The following PCDHA4 variants were observed in gnomAD, a reference collection of about 807,000 sequenced individuals.
PCDHA4 encodes protocadherin alpha 4, also known as protocadherin alpha-4.
PCDHA4 carries 49 observed loss-of-function variants against 61.4 expected under a neutral mutation model. That is an observed-to-expected ratio of 0.80 (90% confidence interval 0.63 to 1.01). The LOEUF (loss-of-function observed/expected upper bound fraction) is 1.01. Ranked by LOEUF, PCDHA4 falls within the 50% of genes least tolerant of loss-of-function variation. The pLI is 0.00. For synonymous variants in PCDHA4, 590 were observed against 550.3 expected (o/e 1.07, Z -1.01); for missense variants, 1,254 against 1,235.8 (o/e 1.01, Z -0.22).
intron 3 of PCDHA4, among the ~76,000 whole-genome samples, chr5:140,987,487 C>A (rs868928905): frequency 6.6e-6 from 1 of 152,154 alleles, no homozygotes; most frequent in Non-Finnish European, 1.5e-5. Flanking sequence ...GTCAGTGACC[C>A]TTTCTGAATT....
chr5:140,908,431 G>A (rs949756474), intron 1 of PCDHA4, among the ~76,000 whole-genome samples: 4 of 152,152 alleles, frequency 2.6e-5, no homozygotes, highest in Non-Finnish European at 5.9e-5. Context: ...GCTGCTGTGC[G>A]CACCCCACTT....
rs782457236 is a variant in PCDHA4 at position 140,883,560 on chromosome 5, G to A, written c.2385+73988G>A. 2 of 1,614,184 alleles carry A rather than the reference G, an allele frequency of 1.2e-6. No homozygotes were observed. Among genetic ancestry groups the A allele is most frequent in the Admixed American group, 1.7e-5 (1 of 60,028 alleles). ...CTGGTGGTGACCGCGCGGGACGGGGGCTCGCCTTCGCTGTGGGCCACGGCC... is the reference window on the plus strand; with the variant it reads ...CTGGTGGTGACCGCGCGGGACGGGGACTCGCCTTCGCTGTGGGCCACGGCC... On this transcript the variant is annotated intron_variant, in intron 1 of 3. Coordinates refer to ENST00000530339, the MANE Select transcript of PCDHA4 (RefSeq NM_018907.4).
intron 1 of PCDHA4, chr5:140,830,128 A>C: frequency 6.2e-7 from 1 of 1,613,412 alleles, no homozygotes; most frequent in Non-Finnish European, 8.5e-7. Context: ...CAAAGGCGTC[A>C]TCACGGGCGT....
At chr5:140,942,992 C>T (rs782446748) in intron 1 of PCDHA4, among the ~76,000 whole-genome samples, 3 of 152,006 alleles carry the variant, frequency 2.0e-5, no homozygotes, top group South Asian at 2.1e-4. Flanking sequence ...TGTGGTGGCT[C>T]ATGCCTGTAA....
At chr5:140,850,249 T>TGGGC in intron 1 of PCDHA4, 1 of 1,593,502 alleles carries the variant, frequency 6.3e-7, no homozygotes, top group Non-Finnish European at 8.6e-7. Context: ...CTGCGGTCGG[T>TGGGC]GGGCGCCGGC....
intron 1 of PCDHA4, chr5:140,836,037 C>T: frequency 6.2e-7 from 1 of 1,613,440 alleles, no homozygotes; most frequent in Non-Finnish European, 8.5e-7. Flanking sequence ...CGTGACGCTG[C>T]AGGTGTTCGT....
At chr5:140,839,365 G>C (rs2150296771) in intron 1 of PCDHA4, among the ~76,000 whole-genome samples, 4 of 116,060 alleles carry the variant, frequency 3.4e-5, no homozygotes, top group East Asian at 2.4e-4. Flanking sequence ...CACCTAAGCT[G>C]TATTCATCAA....
chr5:140,841,385 G>A, intron 1 of PCDHA4: 1 of 1,613,440 alleles, frequency 6.2e-7, no homozygotes, highest in Non-Finnish European at 8.5e-7. Flanking sequence ...TCTGCTCCTC[G>A]CAGCCTGGAA....
chr5:140,937,378 G>T (rs1248709474), intron 1 of PCDHA4, among the ~76,000 whole-genome samples: 1 of 152,130 alleles, frequency 6.6e-6, no homozygotes, highest in African/African-American at 2.4e-5. Context: ...GTTTATGTGT[G>T]TGTATGTGTA....
At chr5:141,006,745 T>C (rs1554260891) in intron 3 of PCDHA4, among the ~76,000 whole-genome samples, 1 of 152,144 alleles carries the variant, frequency 6.6e-6, no homozygotes, top group Non-Finnish European at 1.5e-5. Flanking sequence ...TGATGTATTA[T>C]AAATGGAGAA....
chr5:140,856,808 C>T, intron 1 of PCDHA4: 1 of 1,594,492 alleles, frequency 6.3e-7, no homozygotes, highest in Non-Finnish European at 8.6e-7. Context: ...GTATGAAAAT[C>T]AAGTGAACCA....
At chr5:140,887,544 CATGG>C (rs2061491541) in intron 1 of PCDHA4, among the ~76,000 whole-genome samples, 2 of 152,098 alleles carry the variant, frequency 1.3e-5, no homozygotes, top group Non-Finnish European at 2.9e-5. Context: ...CCCCACCCCT[CATGG>C]TTACTGTTAA....
At chr5:140,877,299 C>G (rs374061607) in intron 1 of PCDHA4, 2 of 1,613,924 alleles carry the variant, frequency 1.2e-6, no homozygotes, top group Admixed American at 1.7e-5. Context: ...GGCTGTCCTA[C>G]GAGTTGCAAC....
chr5:140,829,623 A>G, intron 1 of PCDHA4: 1 of 1,612,184 alleles, frequency 6.2e-7, no homozygotes, highest in Non-Finnish European at 8.5e-7. Flanking sequence ...ATTTCGGTGC[A>G]CGCGGAGAGC....
chr5:141,004,750 C>T (rs1205050665), intron 3 of PCDHA4, among the ~76,000 whole-genome samples: 1 of 152,112 alleles, frequency 6.6e-6, no homozygotes, highest in Non-Finnish European at 1.5e-5. Flanking sequence ...GTCTCAGTCT[C>T]TTAGAGACAG....
At chr5:140,870,885 C>T (rs782085408) in intron 1 of PCDHA4, 13 of 1,613,918 alleles carry the variant, frequency 8.1e-6, no homozygotes, top group African/African-American at 1.3e-5. Flanking sequence ...CGAAGGTGCG[C>T]GCAGTGGATG....
chr5:140,862,896 G>A (rs782777981), intron 1 of PCDHA4: 1 of 554,390 alleles, frequency 1.8e-6, no homozygotes, highest in East Asian at 4.8e-5. Flanking sequence ...CGACAACTTT[G>A]TCTGCGCTGC....
At chr5:140,824,627 T>TG (rs1379526597) in intron 1 of PCDHA4, 1 of 134,010 alleles carries the variant, frequency 7.5e-6, no homozygotes, top group East Asian at 2.0e-4. Flanking sequence ...TTTTTTTTTT[T>TG]TTTTTATTTT....
chr5:140,900,227 G>C (rs1425549345), intron 1 of PCDHA4, among the ~76,000 whole-genome samples: 1 of 152,038 alleles, frequency 6.6e-6, no homozygotes, highest in Admixed American at 6.6e-5. Flanking sequence ...CAAATGACTG[G>C]ATCTTGTTTT....
Sources: allele counts gnomAD v4.1 joint callset (sites outside exome capture counted in the v4.1 genomes callset), GRCh38; gene constraint gnomAD v4.1.1; transcripts MANE v1.5; gene names NCBI Gene and HGNC (gene_info 2026-07-23, HGNC 2026-07-21).